Variants in RANBP2 observed in about 807,000 individuals in gnomAD.
RANBP2 encodes the protein RAN binding protein 2.
Under a neutral mutation model 303.6 loss-of-function variants are expected in RANBP2, and 57 were observed. The observed-to-expected ratio is 0.19, with a 90% confidence interval of 0.15 to 0.23. The LOEUF (loss-of-function observed/expected upper bound fraction) is 0.23. Among genes scored for constraint, RANBP2 ranks in the 10% least tolerant of loss-of-function variants. The probability of loss-of-function intolerance (pLI) is 1.00; values close to 1 mark genes in which losing one functional copy is unlikely to be tolerated. For missense variants in RANBP2, 3,138 were observed against 3,780.8 expected (o/e 0.83, Z 4.46); for synonymous variants, 1,167 against 1,301.5 (o/e 0.90, Z 2.23).
At chr2:109,626,518 G>C in the RANBP2 span, among the ~76,000 whole-genome samples, 1 of 152,064 alleles carries the variant, frequency 6.6e-6, no homozygotes, top group Non-Finnish European at 1.5e-5. Context: ...CCCTGAGAAG[G>C]CTGTCTTTCC....
At chr2:109,104,675 G>C in the RANBP2 span, among the ~76,000 whole-genome samples, 1 of 152,042 alleles carries the variant, frequency 6.6e-6, no homozygotes, top group African/African-American at 2.4e-5. Flanking sequence ...GTAGAGACGG[G>C]GGTTTCACCT....
the RANBP2 span, among the ~76,000 whole-genome samples, chr2:109,287,928 G>T: frequency 6.6e-6 from 1 of 152,174 alleles, no homozygotes; most frequent in South Asian, 2.1e-4. Context: ...CTACATCCAG[G>T]ACCTGCCTGT....
the RANBP2 span, among the ~76,000 whole-genome samples, chr2:108,795,433 A>G: frequency 1.3e-5 from 2 of 152,182 alleles, no homozygotes; most frequent in Admixed American, 6.5e-5. Flanking sequence ...CTGGGATTAC[A>G]GGCGTGAGCC....
the RANBP2 span, among the ~76,000 whole-genome samples, chr2:109,212,265 C>A: frequency 2.0e-5 from 3 of 152,188 alleles, no homozygotes; most frequent in African/African-American, 7.2e-5. Flanking sequence ...TGAAATGAGG[C>A]TGCCCAGAAA....
At chr2:108,812,511 GTC>G in the RANBP2 span, 1 of 705,032 alleles carries the variant, frequency 1.4e-6, no homozygotes, top group Admixed American at 2.6e-5. Context: ...CATGAATGCT[GTC>G]TCTGTTTTGT....
chr2:109,482,799 G>C, the RANBP2 span, among the ~76,000 whole-genome samples: 174 of 152,308 alleles, frequency 1.1e-3, 3 homozygotes, highest in East Asian at 0.032. Flanking sequence ...AGAGCAACAC[G>C]ATGCGGCGGT....
At chr2:109,484,640 T>C in the RANBP2 span, among the ~76,000 whole-genome samples, 1 of 152,194 alleles carries the variant, frequency 6.6e-6, no homozygotes, top group Non-Finnish European at 1.5e-5. Flanking sequence ...AAAACAACAT[T>C]GCAACTTTCT....
At chr2:109,487,805 G>C in the RANBP2 span, among the ~76,000 whole-genome samples, 1 of 152,146 alleles carries the variant, frequency 6.6e-6, no homozygotes, top group Non-Finnish European at 1.5e-5. Flanking sequence ...GGGCCCAAGA[G>C]CCCTCAGCTG....
At chr2:109,527,825 C>G in the RANBP2 span, among the ~76,000 whole-genome samples, 1 of 152,204 alleles carries the variant, frequency 6.6e-6, no homozygotes, top group Non-Finnish European at 1.5e-5. Context: ...CTATGAAGAT[C>G]CTCAAGTTGT....
the RANBP2 span, among the ~76,000 whole-genome samples, chr2:109,003,326 T>C: frequency 2.0e-5 from 3 of 151,916 alleles, no homozygotes; most frequent in Non-Finnish European, 4.4e-5. Flanking sequence ...AGCACAGCAC[T>C]TGGCACATAG....
At chr2:108,850,482 C>T in the RANBP2 span, among the ~76,000 whole-genome samples, 1 of 152,036 alleles carries the variant, frequency 6.6e-6, no homozygotes, top group Non-Finnish European at 1.5e-5. Flanking sequence ...GACAGAGTTT[C>T]ACCCTGTCGC....
the RANBP2 span, among the ~76,000 whole-genome samples, chr2:109,589,303 C>A: frequency 1.3e-5 from 2 of 152,054 alleles, no homozygotes; most frequent in Admixed American, 1.3e-4. Flanking sequence ...GAGGCCAAGG[C>A]AGGCAGGTTA....
the RANBP2 span, among the ~76,000 whole-genome samples, chr2:109,698,660 T>C: frequency 3.9e-5 from 6 of 152,070 alleles, no homozygotes; most frequent in African/African-American, 1.4e-4. Flanking sequence ...TAGTTGTGGG[T>C]CACAATTTTT....
the RANBP2 span, among the ~76,000 whole-genome samples, chr2:109,004,726 T>A: frequency 2.6e-5 from 4 of 152,220 alleles, no homozygotes; most frequent in Non-Finnish European, 4.4e-5. Context: ...ATCTCTGATT[T>A]CTGCCCTTAT....
chr2:109,675,803 G>A, the RANBP2 span, among the ~76,000 whole-genome samples: 1 of 152,222 alleles, frequency 6.6e-6, no homozygotes, highest in Middle Eastern at 3.2e-3. Context: ...GGGTGGGTCT[G>A]TTTGACAACT....
the RANBP2 span, among the ~76,000 whole-genome samples, chr2:109,721,207 G>A: frequency 6.6e-6 from 1 of 152,128 alleles, no homozygotes; most frequent in Non-Finnish European, 1.5e-5. Flanking sequence ...AACCTCCCTC[G>A]GAACACGAAC....
At chr2:109,368,478 C>T in the RANBP2 span, among the ~76,000 whole-genome samples, 1 of 151,884 alleles carries the variant, frequency 6.6e-6, no homozygotes, top group Admixed American at 6.6e-5. Flanking sequence ...CATTTTCTAA[C>T]TGATTATTGC....
At chr2:109,212,948 G>A in the RANBP2 span, among the ~76,000 whole-genome samples, 3 of 152,314 alleles carry the variant, frequency 2.0e-5, no homozygotes, top group East Asian at 5.8e-4. Flanking sequence ...TATAGTGGAT[G>A]ATGAAAAGAC....
At chr2:109,025,740 G>A in the RANBP2 span, among the ~76,000 whole-genome samples, 1 of 151,504 alleles carries the variant, frequency 6.6e-6, no homozygotes, top group South Asian at 2.1e-4. Context: ...AGAGCTTGCA[G>A]TGAGCCGAGA....
Sources: allele counts gnomAD v4.1 joint callset (sites outside exome capture counted in the v4.1 genomes callset), GRCh38; gene constraint gnomAD v4.1.1; transcripts MANE v1.5; gene names NCBI Gene and HGNC (gene_info 2026-07-23, HGNC 2026-07-21).